The following SULT6B1 variants were observed in gnomAD, a reference collection of about 807,000 sequenced individuals.
SULT6B1 encodes the protein sulfotransferase family 6B member 1.
SULT6B1 carries 44 observed loss-of-function variants against 37.2 expected under a neutral mutation model. The ratio of observed to expected loss-of-function variants is 1.18; its 90% CI spans 0.93 to 1.52. SULT6B1 has a LOEUF of 1.52. Ranked by LOEUF, SULT6B1 falls within the 40% of genes most tolerant of loss-of-function variation. The probability of loss-of-function intolerance (pLI) is 0.00; values close to 1 mark genes in which losing one functional copy is unlikely to be tolerated. For missense variants in SULT6B1, 450 were observed against 361.0 expected (o/e 1.25, Z -2.00); for synonymous variants, 140 against 126.0 (o/e 1.11, Z -0.74).
In SULT6B1 at chr2:37,175,171, G is replaced by T; in HGVS notation, c.585C>A (p.Gly195=). 2 of 1,571,876 alleles carry T rather than the reference G, an allele frequency of 1.3e-6. No homozygotes were observed. The highest frequency in any genetic ancestry group is 1.2e-5 in the South Asian group (1 of 83,918). Residue 195 remains glycine, a synonymous_variant, in exon 5 of 7, where the codon GGC becomes GGA. Transcript: ENST00000535679. ...CATATAATATGAACTTAACATTGTC[G>T]CCATCAAGATGTTTGTTCCAATTGA... ...FAINWNKHLD[G]DNVKFILYED...
At chr2:37,195,011 A>C (rs1034187105) in intron 1 of SULT6B1, among the ~76,000 whole-genome samples, 5 of 150,470 alleles carry the variant, frequency 3.3e-5, no homozygotes, top group African/African-American at 9.8e-5. Context: ...GTGCAGTGGC[A>C]CGATCTTGGC....
chr2:37,190,116 A>C (rs534806714), upstream of SULT6B1, among the ~76,000 whole-genome samples: 6 of 152,376 alleles, frequency 3.9e-5, no homozygotes, highest in East Asian at 1.2e-3. Flanking sequence ...CTCAACAATT[A>C]CAATTGCAAT....
chr2:37,190,934 T>C (rs2148302519), upstream of SULT6B1, among the ~76,000 whole-genome samples: 1 of 152,226 alleles, frequency 6.6e-6, no homozygotes, highest in East Asian at 1.9e-4. Flanking sequence ...GATTAGCTTC[T>C]GGAATTTTTT....
intron 6 of SULT6B1, among the ~76,000 whole-genome samples, chr2:37,169,883 G>C (rs931612275): frequency 3.3e-5 from 5 of 152,142 alleles, no homozygotes; most frequent in African/African-American, 1.2e-4. Context: ...TGTTGTCCTT[G>C]CTGGTATATG....
intron 4 of SULT6B1, 54 bp downstream of exon 4, chr2:37,179,404 C>T: frequency 6.2e-7 from 1 of 1,602,574 alleles, no homozygotes. Flanking sequence ...TGGGTTTTCA[C>T]ATTTATGTGG....
chr2:37,194,637 C>A (rs927149599), intron 1 of SULT6B1: 4 of 312,232 alleles, frequency 1.3e-5, no homozygotes, highest in Non-Finnish European at 2.5e-5. Flanking sequence ...GAAGCCCACT[C>A]TGTGGATGTG....
At chr2:37,193,636 GAAGAAGA>G (rs1676831583), upstream of SULT6B1, among the ~76,000 whole-genome samples, 12 of 150,910 alleles carry the variant, frequency 8.0e-5, no homozygotes, top group African/African-American at 2.9e-4. Context: ...AGAAGAAGAA[GAAGAAGA>G]AGAAGAAGGA....
chr2:37,180,901 C>A (rs1221453751), intron 3 of SULT6B1, among the ~76,000 whole-genome samples: 2 of 151,994 alleles, frequency 1.3e-5, no homozygotes, highest in Admixed American at 1.3e-4. Flanking sequence ...ACAACAATAA[C>A]AAAACTGACT....
At chr2:37,185,591 A>G (rs1676654428) in intron 2 of SULT6B1, among the ~76,000 whole-genome samples, 1 of 151,610 alleles carries the variant, frequency 6.6e-6, no homozygotes, top group Non-Finnish European at 1.5e-5. Flanking sequence ...GATGGCGCAC[A>G]CCTATAATCC....
intron 6 of SULT6B1, 113 bp from the exon 7 acceptor site, chr2:37,168,178 A>T: frequency 9.2e-7 from 1 of 1,084,398 alleles, no homozygotes; most frequent in South Asian, 1.9e-5. Flanking sequence ...CACATGGAAA[A>T]AAGCTTTACA....
upstream of SULT6B1, among the ~76,000 whole-genome samples, chr2:37,192,720 GTTGT>G (rs1468859318): frequency 1.3e-5 from 2 of 152,220 alleles, no homozygotes; most frequent in Non-Finnish European, 2.9e-5. Flanking sequence ...AAACATAGTT[GTTGT>G]TTGCTTGCTT....
intron 5 of SULT6B1, among the ~76,000 whole-genome samples, chr2:37,173,211 A>T (rs1260580887): frequency 1.3e-5 from 2 of 152,136 alleles, no homozygotes; most frequent in African/African-American, 4.8e-5. Context: ...AAACCCAATT[A>T]AGTTAAGGAG....
upstream of SULT6B1, among the ~76,000 whole-genome samples, chr2:37,189,196 A>C (rs1484536118): frequency 6.6e-6 from 1 of 152,198 alleles, no homozygotes; most frequent in Non-Finnish European, 1.5e-5. Context: ...TCTACCATTT[A>C]CTAGTTGTGT....
At chr2:37,190,645 C>A (rs1322670966), upstream of SULT6B1, among the ~76,000 whole-genome samples, 2 of 152,150 alleles carry the variant, frequency 1.3e-5, no homozygotes, top group Non-Finnish European at 2.9e-5. Flanking sequence ...GGAGAGCCAG[C>A]AAACAGAGAA....
At chr2:37,190,611 C>T (rs959063912), upstream of SULT6B1, among the ~76,000 whole-genome samples, 3 of 151,990 alleles carry the variant, frequency 2.0e-5, no homozygotes, top group Admixed American at 1.3e-4. Context: ...TGAGGGTTGG[C>T]GGGAGGAAAA....
In SULT6B1 at chr2:37,188,470, G is replaced by A; in HGVS notation, c.171C>T (p.Asp57=). The A allele has an allele frequency of 6.2e-7, 1 of 1,614,050 alleles. No individual in the cohort carries two copies. The highest frequency in any genetic ancestry group is 8.5e-7 in the Non-Finnish European group (1 of 1,179,964). ...ACTTTGGATAAGATGCTAGCACGAT[G>A]TCATCATGTCTGGCTTCGAAGGTGT... The part of the protein sequence containing the change: ...ALDTFEARHD[D]IVLASYPKCG... The change falls in exon 1 of 7, where the codon GAC becomes GAT. Residue 57 remains aspartate, a synonymous_variant. Coordinates refer to ENST00000535679, the MANE Select transcript of SULT6B1 (RefSeq NM_001367551.1).
At chr2:37,171,668 C>G in intron 5 of SULT6B1, 78 bp from the exon 6 acceptor site, 2 of 1,390,500 alleles carry the variant, frequency 1.4e-6, no homozygotes, top group Non-Finnish European at 2.0e-6. Context: ...TTTTAGTCAT[C>G]AGAGTTATTC....
chr2:37,187,673 C>G (rs1194622011), intron 1 of SULT6B1, among the ~76,000 whole-genome samples: 1 of 152,172 alleles, frequency 6.6e-6, no homozygotes, highest in Admixed American at 6.5e-5. Context: ...GTATAAAATT[C>G]AACTGAGAAC....
chr2:37,187,005 A>G (rs753883869), intron 2 of SULT6B1, among the ~76,000 whole-genome samples: 7 of 152,200 alleles, frequency 4.6e-5, no homozygotes, highest in Non-Finnish European at 1.0e-4. Flanking sequence ...GAGGTTTCTC[A>G]GCTTACTTTC....
Sources: gnomAD v4.1 joint callset for allele counts (sites outside exome capture counted in the v4.1 genomes callset) on GRCh38, gnomAD v4.1.1 for gene constraint, MANE v1.5 for transcripts, NCBI Gene and HGNC (gene_info 2026-07-23, HGNC 2026-07-21) for gene names.